The following DPY19L4 variants were observed in gnomAD, a reference collection of about 807,000 sequenced individuals.
DPY19L4 encodes the protein probable C-mannosyltransferase DPY19L4.
A neutral mutation model predicts 102.8 loss-of-function variants in DPY19L4; 97 were observed. The observed-to-expected ratio is 0.94, with a 90% CI of 0.80 to 1.12. DPY19L4 has a LOEUF of 1.12. Among genes scored for constraint, DPY19L4 ranks in the 50% most tolerant of loss-of-function variants. The pLI is 0.00. For synonymous variants in DPY19L4, 252 were observed against 283.1 expected, an observed-to-expected ratio of 0.89 and a Z score of 1.10; for missense variants, 815 against 850.4, an observed-to-expected ratio of 0.96 and a Z score of 0.52.
chr8:94,753,775 G>A (rs1812045837), intron 6 of DPY19L4, among the ~76,000 whole-genome samples: 1 of 152,186 alleles, frequency 6.6e-6, no homozygotes, highest in Non-Finnish European at 1.5e-5. Flanking sequence ...AGGAGGCTGA[G>A]GCAGGAGAAT....
intron 8 of DPY19L4, among the ~76,000 whole-genome samples, chr8:94,764,858 G>T (rs1486868069): frequency 6.8e-6 from 1 of 147,624 alleles, no homozygotes; most frequent in Non-Finnish European, 1.5e-5. Context: ...CCTCCCGAGT[G>T]GCTGGGATTA....
chr8:94,726,514 A>G lies in DPY19L4; in HGVS notation c.127+73A>G, dbSNP rs527594523. On this transcript the variant is annotated intron_variant, in intron 2 of 18. Coordinates refer to ENST00000414645, the MANE Select transcript of DPY19L4 (RefSeq NM_181787.3). ...ACTAGAAAGTATATTTTATGTCAATATTTTAAATATACATATTTTGAGATT... is the reference window on the plus strand; with the variant it reads ...ACTAGAAAGTATATTTTATGTCAATGTTTTAAATATACATATTTTGAGATT... 12 of 1,208,724 alleles carry G rather than the reference A, an allele frequency of 9.9e-6. No homozygotes were observed. The South Asian group carries it at 1.9e-4, about 19-fold the overall frequency. The allele number at this position is 1,208,724 out of a possible 1,614,324, so 74.9% of individuals were successfully genotyped here.
Position 94,790,010 on chromosome 8 carries a change from A to G in DPY19L4, c.*100A>G. The stretch of plus-strand genomic sequence containing the variant: ...GCAGATCAGAGTATGGACATTTGAA[A>G]TATTGCTGCTTCTTTCCCCCTTCTG... On this transcript the variant is annotated 3_prime_UTR_variant, in exon 19 of 19. Coordinates refer to ENST00000414645, the MANE Select transcript of DPY19L4 (RefSeq NM_181787.3). The G allele has an allele frequency of 4.3e-6, 5 of 1,165,460 alleles. No individual in the cohort carries two copies. Among genetic ancestry groups the G allele is most frequent in the Non-Finnish European group, 6.1e-6 (5 of 824,928 alleles). 72.2% of individuals were successfully genotyped at this position (1,165,460 alleles called of 1,614,324 possible). A position where few individuals can be genotyped will look rare whatever the true frequency, so the allele number is the denominator to read the frequency against.
chr8:94,727,684 C>T (rs1810750687), intron 2 of DPY19L4, among the ~76,000 whole-genome samples: 1 of 152,210 alleles, frequency 6.6e-6, no homozygotes, highest in Non-Finnish European at 1.5e-5. Flanking sequence ...CCTTCAGCAT[C>T]AAATTGTGAC....
intron 1 of DPY19L4, among the ~76,000 whole-genome samples, chr8:94,723,854 C>A (rs897295090): frequency 6.6e-6 from 1 of 151,858 alleles, no homozygotes; most frequent in East Asian, 1.9e-4. Context: ...TATTATAGAT[C>A]TTTTATAGAT....
chr8:94,780,604 C>CA (rs1409571893), intron 15 of DPY19L4, among the ~76,000 whole-genome samples, 189 bp downstream of exon 15: 1 of 152,014 alleles, frequency 6.6e-6, no homozygotes, highest in African/African-American at 2.4e-5. Context: ...TCTAGAATGC[C>CA]ACCTGATGCC....
Position 94,791,253 on chromosome 8 carries a change from T to C in DPY19L4, c.*1343T>C, listed in dbSNP as rs962097106. 1 of 152,200 alleles carries C rather than the reference T, an allele frequency of 6.6e-6. No homozygotes were observed. Among genetic ancestry groups the C allele is most frequent in the Non-Finnish European group, 1.5e-5 (1 of 67,992 alleles). The allele number at this position is 152,200 out of a possible 1,614,324, so 9.4% of individuals were successfully genotyped here. ...TCCATTGTCTTTATTTTCTGTTATA[T>C]ATGTGTTGTAAAAGTACACTACATT... On this transcript the variant is annotated 3_prime_UTR_variant, in exon 19 of 19. Transcript: ENST00000414645.
chr8:94,739,304 C>T, intron 4 of DPY19L4, 109 bp from the exon 5 acceptor site: 1 of 1,302,330 alleles, frequency 7.7e-7, no homozygotes, highest in Non-Finnish European at 1.0e-6. Context: ...ATGGAGTATT[C>T]TATTTGGGAT....
chr8:94,772,460 G>C (rs923773040), intron 13 of DPY19L4, among the ~76,000 whole-genome samples: 1 of 152,226 alleles, frequency 6.6e-6, no homozygotes, highest in African/African-American at 2.4e-5. Flanking sequence ...GCAGAGGAAA[G>C]AGACCCATAG....
intron 6 of DPY19L4, among the ~76,000 whole-genome samples, chr8:94,740,684 T>C (rs1205379339): frequency 1.3e-5 from 2 of 152,186 alleles, no homozygotes; most frequent in Admixed American, 1.3e-4. Flanking sequence ...CTCAATCTCC[T>C]GACCTCGTGA....
intron 13 of DPY19L4, among the ~76,000 whole-genome samples, chr8:94,776,613 TG>T (rs1276812077): frequency 8.0e-4 from 112 of 140,390 alleles, no homozygotes; most frequent in African/African-American, 3.1e-3. Flanking sequence ...AAGTTTTTTT[TG>T]TTGTTGTTGT....
intron 14 of DPY19L4, among the ~76,000 whole-genome samples, chr8:94,779,570 C>T (rs940641932): frequency 9.2e-5 from 14 of 151,972 alleles, no homozygotes; most frequent in African/African-American, 3.1e-4. Context: ...CTCAAGCAAT[C>T]CTCCCACCTT....
intron 8 of DPY19L4, among the ~76,000 whole-genome samples, chr8:94,763,568 T>A (rs1224152450): frequency 1.3e-5 from 2 of 151,730 alleles, no homozygotes; most frequent in Non-Finnish European, 2.9e-5. Context: ...TCACCCAGGC[T>A]GGAGTGCAGT....
At chr8:94,788,792 G>A (rs1187373914) in intron 18 of DPY19L4, among the ~76,000 whole-genome samples, 2 of 152,184 alleles carry the variant, frequency 1.3e-5, no homozygotes, top group Non-Finnish European at 2.9e-5. Flanking sequence ...GTAAGTCATT[G>A]TAAGTGGTAG....
At position 94,730,020 on chromosome 8, in the gene DPY19L4, A is replaced by T. The variant is rs138898525; in HGVS notation, c.127+3579A>T. Among the ~76,000 whole-genome samples the T allele has an allele frequency of 1.9e-4, 29 of 152,234 alleles. No individual in the cohort carries two copies. In the East Asian group the frequency reaches 5.4e-3, roughly 28 times the overall value. On this transcript the variant is annotated intron_variant, in intron 2 of 18. Coordinates refer to ENST00000414645, the MANE Select transcript of DPY19L4 (RefSeq NM_181787.3). ...TGCATCCATAATTTCAGTAGATATA[A>T]ATACTCTTAAAATTTTGGCATAAGT...
intron 7 of DPY19L4, among the ~76,000 whole-genome samples, chr8:94,757,703 C>A (rs1165878647): frequency 6.6e-6 from 1 of 152,140 alleles, no homozygotes; most frequent in African/African-American, 2.4e-5. Flanking sequence ...AGCCACTGCG[C>A]CTGGCCAAGA....
chr8:94,738,175 G>A (rs1422472574), intron 3 of DPY19L4, among the ~76,000 whole-genome samples, 194 bp from the exon 4 acceptor site: 6 of 151,592 alleles, frequency 4.0e-5, no homozygotes, highest in Admixed American at 1.3e-4. Context: ...AAAAATAGCC[G>A]GGCGTGGTGG....
chr8:94,788,227 A>T lies in DPY19L4; in HGVS notation c.2007+175A>T, dbSNP rs79336269. Among the ~76,000 whole-genome samples, 159 of 152,016 alleles carry T rather than the reference A, an allele frequency of 1.0e-3. No homozygotes were observed. The East Asian group carries it at 0.015, about 15-fold the overall frequency. ...AAGTAGTTTGGAGTATTTTTTCAAC[A>T]TACAAAAGAAAATCTGGGCATTTTT... On this transcript the variant is annotated intron_variant, in intron 18 of 18. Coordinates refer to ENST00000414645, the MANE Select transcript of DPY19L4 (RefSeq NM_181787.3).
intron 14 of DPY19L4, 115 bp downstream of exon 14, chr8:94,777,901 A>C: frequency 1.6e-6 from 2 of 1,276,596 alleles, no homozygotes; most frequent in Non-Finnish European, 2.1e-6. Context: ...GATGACTTAC[A>C]GGTAGAAAAA....
Sources: gnomAD v4.1 joint callset for allele counts (sites outside exome capture counted in the v4.1 genomes callset) on GRCh38, gnomAD v4.1.1 for gene constraint, MANE v1.5 for transcripts, NCBI Gene and HGNC (gene_info 2026-07-23, HGNC 2026-07-21) for gene names.